The following PTPRD variants were observed in gnomAD, a reference collection of about 807,000 sequenced individuals.
PTPRD encodes the protein receptor-type tyrosine-protein phosphatase delta.
Under a neutral mutation model 214.5 loss-of-function variants are expected in PTPRD, and 34 were observed. The observed-to-expected ratio is 0.16, with a 90% confidence interval of 0.12 to 0.21. The LOEUF (loss-of-function observed/expected upper bound fraction) is 0.21, where lower values mean the gene tolerates loss of function less well. Among genes scored for constraint, PTPRD ranks in the 10% least tolerant of loss-of-function variants. PTPRD has a pLI of 1.00. For synonymous variants in PTPRD, 1,128 were observed against 845.7 expected (o/e 1.33, Z -5.79); for missense variants, 2,545 against 2,398.7 (o/e 1.06, Z -1.27).
chr9:9,034,928 G>A (rs2099616743), intron 10 of PTPRD, among the ~76,000 whole-genome samples: 1 of 152,086 alleles, frequency 6.6e-6, no homozygotes, highest in Admixed American at 6.6e-5. Context: ...AACTTTCAGT[G>A]CCTGGTGCAG....
intron 9 of PTPRD, among the ~76,000 whole-genome samples, chr9:9,253,497 G>T (rs2099976314): frequency 8.6e-6 from 1 of 116,560 alleles, no homozygotes; most frequent in Non-Finnish European, 2.2e-5. Flanking sequence ...GACTGCACTT[G>T]TTTTTGAAAA....
At chr9:9,376,934 C>G (rs986343208) in intron 9 of PTPRD, among the ~76,000 whole-genome samples, 8 of 151,896 alleles carry the variant, frequency 5.3e-5, no homozygotes, top group Non-Finnish European at 1.0e-4. Flanking sequence ...GGCTAGGAGA[C>G]CAAATCTCAG....
intron 3 of PTPRD, among the ~76,000 whole-genome samples, chr9:10,171,706 G>A (rs1191721987): frequency 6.6e-6 from 1 of 152,036 alleles, no homozygotes; most frequent in African/African-American, 2.4e-5. Context: ...TGTATTTTTA[G>A]TAGAGACGGG....
intron 9 of PTPRD, among the ~76,000 whole-genome samples, chr9:9,356,261 G>A (rs542019603): frequency 1.3e-3 from 195 of 151,474 alleles, no homozygotes; most frequent in African/African-American, 4.2e-3. Context: ...GCAAGTTTGT[G>A]TGGTTATAGA....
intron 8 of PTPRD, among the ~76,000 whole-genome samples, chr9:9,505,306 T>G (rs2096544440): frequency 6.6e-6 from 1 of 151,626 alleles, no homozygotes; most frequent in South Asian, 2.1e-4. Context: ...CTCTTCTTTA[T>G]AGATCATTTC....
At chr9:8,495,889 T>TAAA (rs1437175330) in intron 26 of PTPRD, among the ~76,000 whole-genome samples, 1 of 152,188 alleles carries the variant, frequency 6.6e-6, no homozygotes, top group Non-Finnish European at 1.5e-5. Flanking sequence ...CTTGCCAGCC[T>TAAA]TTAACTCATT....
intron 10 of PTPRD, among the ~76,000 whole-genome samples, chr9:9,114,279 ATGTC>A (rs2099810045): frequency 6.6e-6 from 1 of 152,112 alleles, no homozygotes; most frequent in African/African-American, 2.4e-5. Context: ...GAGGGCACTT[ATGTC>A]TGTGTATGTA....
chr9:9,769,110 A>C (rs1234226065), intron 5 of PTPRD, among the ~76,000 whole-genome samples: 1 of 152,158 alleles, frequency 6.6e-6, no homozygotes, highest in Admixed American at 6.5e-5. Flanking sequence ...CAGAAGACAA[A>C]AAGAAAAAAT....
At chr9:10,191,565 A>T (rs2099363657) in intron 3 of PTPRD, among the ~76,000 whole-genome samples, 1 of 152,166 alleles carries the variant, frequency 6.6e-6, no homozygotes, top group Non-Finnish European at 1.5e-5. Context: ...TTTTCTAAAA[A>T]TGGAAAACCA....
chr9:9,510,040 G>A (rs1937599816), intron 8 of PTPRD, among the ~76,000 whole-genome samples: 1 of 151,550 alleles, frequency 6.6e-6, no homozygotes, highest in South Asian at 2.1e-4. Flanking sequence ...GTGACAAGGA[G>A]CCTCAAAATT....
At chr9:10,035,294 T>C (rs1259999733) in intron 3 of PTPRD, among the ~76,000 whole-genome samples, 2 of 152,158 alleles carry the variant, frequency 1.3e-5, no homozygotes, top group Non-Finnish European at 2.9e-5. Flanking sequence ...GTATTTTTTT[T>C]TCTTGTAAAT....
chr9:9,470,092 T>C (rs1401711381), intron 8 of PTPRD, among the ~76,000 whole-genome samples: 1 of 152,184 alleles, frequency 6.6e-6, no homozygotes, highest in Non-Finnish European at 1.5e-5. Flanking sequence ...GAAGCTGTAA[T>C]AAAGTGCCAG....
At chr9:9,064,794 T>C (rs907058485) in intron 10 of PTPRD, among the ~76,000 whole-genome samples, 1 of 152,332 alleles carries the variant, frequency 6.6e-6, no homozygotes, top group Admixed American at 6.5e-5. Context: ...ACTAGAGATT[T>C]GTGTTCAGAA....
chr9:8,879,412 T>C (rs2098423136), intron 11 of PTPRD, among the ~76,000 whole-genome samples: 1 of 152,132 alleles, frequency 6.6e-6, no homozygotes, highest in South Asian at 2.1e-4. Flanking sequence ...CTTTTCTCCA[T>C]GTATTTACTC....
chr9:9,572,900 G>A (rs2086982638), intron 8 of PTPRD, among the ~76,000 whole-genome samples: 1 of 151,484 alleles, frequency 6.6e-6, no homozygotes, highest in African/African-American at 2.4e-5. Context: ...CCCGGTGTCA[G>A]TGACTATAGG....
At chr9:10,480,491 A>G (rs1353737085) in intron 2 of PTPRD, among the ~76,000 whole-genome samples, 1 of 152,196 alleles carries the variant, frequency 6.6e-6, no homozygotes, top group Non-Finnish European at 1.5e-5. Flanking sequence ...CATATGCCAT[A>G]CTCAAAGATT....
At chr9:8,846,572 T>C (rs1212981571) in intron 11 of PTPRD, among the ~76,000 whole-genome samples, 2 of 152,146 alleles carry the variant, frequency 1.3e-5, no homozygotes, top group African/African-American at 4.8e-5. Flanking sequence ...AGCTAAGCTA[T>C]GCCCTGAAGG....
chr9:9,356,664 C>T (rs1484860855), intron 9 of PTPRD, among the ~76,000 whole-genome samples: 2 of 151,432 alleles, frequency 1.3e-5, no homozygotes, highest in East Asian at 3.9e-4. Context: ...TCAGAAGCTG[C>T]ATCTTGAAGA....
chr9:8,970,279 C>T (rs1408161474), intron 11 of PTPRD, among the ~76,000 whole-genome samples: 1 of 151,902 alleles, frequency 6.6e-6, no homozygotes, highest in African/African-American at 2.4e-5. Flanking sequence ...ATCTGTATAT[C>T]TGCAGAAACA....
Sources: allele counts gnomAD v4.1 joint callset (sites outside exome capture counted in the v4.1 genomes callset), GRCh38; gene constraint gnomAD v4.1.1; transcripts MANE v1.5; gene names NCBI Gene and HGNC (gene_info 2026-07-23, HGNC 2026-07-21).